AMPH: variants seen among roughly 807,000 people sequenced by gnomAD.
The protein encoded by AMPH is amphiphysin, also known as amphiphysin (Stiff-Mann syndrome with breast cancer 128kD autoantigen).
AMPH carries 49 observed loss-of-function variants against 99.1 expected under a neutral mutation model. The ratio of observed to expected loss-of-function variants is 0.49; its 90% CI spans 0.39 to 0.63. The LOEUF is 0.63. AMPH is among the 20% of genes least tolerant of loss of function. The pLI is 0.00. For synonymous variants in AMPH, 314 were observed against 317.3 expected, an observed-to-expected ratio of 0.99 and a Z score of 0.11; for missense variants, 759 against 863.4, an observed-to-expected ratio of 0.88 and a Z score of 1.52.
chr7:38,426,475 C>T (rs1785786014), intron 15 of AMPH, among the ~76,000 whole-genome samples: 1 of 152,224 alleles, frequency 6.6e-6, no homozygotes, highest in African/African-American at 2.4e-5. Flanking sequence ...AGGTAAGGCT[C>T]TGTGCAGTGT....
At chr7:38,396,937 T>C (rs1451324873) in intron 17 of AMPH, among the ~76,000 whole-genome samples, 1 of 152,272 alleles carries the variant, frequency 6.6e-6, no homozygotes, top group Non-Finnish European at 1.5e-5. Context: ...AATAAACTTA[T>C]GAGCTCAAAT....
Position 38,384,862 on chromosome 7 carries a change from A to G in AMPH, c.2044T>C (p.Tyr682His). 1 of 1,614,104 alleles carries G rather than the reference A, an allele frequency of 6.2e-7. No homozygotes were observed. The highest frequency in any genetic ancestry group is 8.5e-7 in the Non-Finnish European group (1 of 1,179,970). ...AAGTTCTCTGGAAAGAGGCCTTTGT[A>G]GGTGGCAAGGTCTCTGTACTGAAGC... ...DWLQYRDLATYKGLFPENFTR... is the reference protein window; with the variant it reads ...DWLQYRDLATHKGLFPENFTR... The change falls in exon 21 of 21, where the codon TAC (tyrosine) becomes CAC (histidine). Residue 682 changes from tyrosine (Y) to histidine (H), a missense_variant. Tyr to His is a moderately conservative substitution (Grantham distance 83). This residue lies in a region of AMPH where 554 missense variants were observed against 575.6 expected (regional missense o/e 0.96). Coordinates refer to ENST00000356264, the MANE Select transcript of AMPH (RefSeq NM_001635.4).
At chr7:38,625,782 G>A (rs1440815609) in intron 1 of AMPH, among the ~76,000 whole-genome samples, 1 of 151,884 alleles carries the variant, frequency 6.6e-6, no homozygotes, top group East Asian at 1.9e-4. Context: ...AACAAGAAAG[G>A]CAAAAGAAAT....
At chr7:38,628,818 T>G (rs1794352639) in intron 1 of AMPH, among the ~76,000 whole-genome samples, 1 of 152,168 alleles carries the variant, frequency 6.6e-6, no homozygotes, top group South Asian at 2.1e-4. Context: ...ACTAATACAT[T>G]TCAGCCTTTC....
At chr7:38,538,095 A>G (rs1246179351) in intron 1 of AMPH, among the ~76,000 whole-genome samples, 1 of 152,236 alleles carries the variant, frequency 6.6e-6, no homozygotes. Flanking sequence ...TTTCCTAGAA[A>G]TTAAATAGTT....
intron 3 of AMPH, among the ~76,000 whole-genome samples, 155 bp downstream of exon 3, chr7:38,503,495 C>CGGGGGG (rs3832480): frequency 4.6e-5 from 4 of 86,200 alleles, no homozygotes; most frequent in Admixed American, 1.5e-4. Context: ...GAATTTGGGG[C>CGGGGGG]GGGGGGGTGG....
intron 1 of AMPH, among the ~76,000 whole-genome samples, chr7:38,619,003 C>A (rs997665707): frequency 1.3e-5 from 2 of 152,070 alleles, no homozygotes; most frequent in Non-Finnish European, 2.9e-5. Context: ...TTCAAAGACA[C>A]AAATAAGTTG....
At chr7:38,514,311 G>C (rs1034518625) in intron 2 of AMPH, among the ~76,000 whole-genome samples, 27 of 152,098 alleles carry the variant, frequency 1.8e-4, no homozygotes, top group Admixed American at 1.2e-3. Context: ...TTTTAAATGG[G>C]CCTCCACATG....
At chr7:38,552,438 A>G (rs1232863980) in intron 1 of AMPH, among the ~76,000 whole-genome samples, 2 of 152,202 alleles carry the variant, frequency 1.3e-5, no homozygotes, top group African/African-American at 4.8e-5. Context: ...TTAATTTAAT[A>G]CCCAATTTAT....
intron 11 of AMPH, among the ~76,000 whole-genome samples, chr7:38,457,830 G>A (rs1346297725): frequency 1.3e-5 from 2 of 152,156 alleles, no homozygotes; most frequent in Admixed American, 1.3e-4. Flanking sequence ...TGTTTATTTA[G>A]TCAGTTTATC....
At chr7:38,484,032 T>A (rs2129016992) in intron 5 of AMPH, among the ~76,000 whole-genome samples, 2 of 151,944 alleles carry the variant, frequency 1.3e-5, no homozygotes, top group Admixed American at 1.3e-4. Flanking sequence ...AAAGGATCAA[T>A]AAACTCAGAC....
intron 17 of AMPH, among the ~76,000 whole-genome samples, chr7:38,405,649 A>G (rs956091575): frequency 7.9e-5 from 12 of 152,204 alleles, no homozygotes; most frequent in Non-Finnish European, 1.2e-4. Flanking sequence ...AGATTTAACT[A>G]TCCTATATAT....
chr7:38,614,838 A>G (rs941550332), intron 1 of AMPH, among the ~76,000 whole-genome samples: 1 of 152,174 alleles, frequency 6.6e-6, no homozygotes, highest in African/African-American at 2.4e-5. Flanking sequence ...CTACTGTGCA[A>G]CCAAAAAGAG....
intron 17 of AMPH, among the ~76,000 whole-genome samples, chr7:38,398,187 A>AC (rs1322448458): frequency 6.7e-6 from 1 of 148,848 alleles, no homozygotes; most frequent in Non-Finnish European, 1.5e-5. Context: ...ATACTCAAAA[A>AC]AAAAAAAACA....
intron 1 of AMPH, among the ~76,000 whole-genome samples, chr7:38,557,221 G>A (rs542214181): frequency 6.6e-6 from 1 of 152,150 alleles, no homozygotes; most frequent in African/African-American, 2.4e-5. Context: ...TAAACTACAC[G>A]TGATTACATG....
chr7:38,524,614 G>T (rs912944514), intron 2 of AMPH, among the ~76,000 whole-genome samples: 6 of 128,422 alleles, frequency 4.7e-5, no homozygotes, highest in Admixed American at 8.2e-5. Flanking sequence ...ATGGTTGGAG[G>T]CATGGAGGCA....
intron 1 of AMPH, among the ~76,000 whole-genome samples, chr7:38,623,390 A>G (rs762223098): frequency 5.1e-4 from 77 of 152,336 alleles, no homozygotes; most frequent in Non-Finnish European, 7.9e-4. Flanking sequence ...AAAGAAGGAT[A>G]CATTAGTATA....
At chr7:38,483,088 G>A (rs1281338593) in intron 5 of AMPH, among the ~76,000 whole-genome samples, 1 of 152,102 alleles carries the variant, frequency 6.6e-6, no homozygotes, top group Non-Finnish European at 1.5e-5. Flanking sequence ...GGAACCTCCA[G>A]CTACCTACTT....
chr7:38,406,149 T>TA (rs1469693107), intron 17 of AMPH, among the ~76,000 whole-genome samples: 1 of 151,660 alleles, frequency 6.6e-6, no homozygotes, highest in Non-Finnish European at 1.5e-5. Context: ...AAGGTAAAAA[T>TA]AAAAAAATAG....
Sources: allele counts gnomAD v4.1 joint callset (sites outside exome capture counted in the v4.1 genomes callset), GRCh38; gene constraint gnomAD v4.1.1; regional missense constraint gnomAD v4.1.1; transcripts MANE v1.5; gene names NCBI Gene and HGNC (gene_info 2026-07-23, HGNC 2026-07-21).